BRINP1: variants seen among roughly 807,000 people sequenced by gnomAD.
BRINP1 encodes the protein BMP/retinoic acid inducible neural specific 1.
In BRINP1, 17 loss-of-function variants were observed where a neutral mutation model predicts 72.9. That is an observed-to-expected ratio of 0.23 (90% CI 0.16 to 0.35). BRINP1 has a LOEUF of 0.35. BRINP1 is among the 10% of genes least tolerant of loss of function. The probability of loss-of-function intolerance (pLI) is 1.00; values close to 1 mark genes in which losing one functional copy is unlikely to be tolerated. For synonymous variants in BRINP1, 418 were observed against 378.5 expected (o/e 1.10, Z -1.21); for missense variants, 850 against 1,001.6 (o/e 0.85, Z 2.04).
chr9:119,238,639 T>C lies in BRINP1; in HGVS notation c.685+16A>G, dbSNP rs1830214742. 3 of 1,563,374 alleles carry C rather than the reference T, an allele frequency of 1.9e-6. No individual in the cohort carries two copies. The highest frequency in any genetic ancestry group is 2.6e-6 in the Non-Finnish European group (3 of 1,141,620). On this transcript the variant is annotated intron_variant, in intron 5 of 7. Transcript: ENST00000265922. ...GTTTCCCCCAACTGACCCCACTTTT[T>C]CCACTGGCTTCCTACCTTGAAGGTG...
intron 2 of BRINP1, among the ~76,000 whole-genome samples, chr9:119,287,993 T>TAA (rs975401832): frequency 1.3e-5 from 2 of 150,888 alleles, no homozygotes; most frequent in African/African-American, 4.9e-5. Flanking sequence ...ACTTAAAAGT[T>TAA]AAAAAAAAAG....
intron 7 of BRINP1, among the ~76,000 whole-genome samples, chr9:119,170,071 C>T (rs1292577717): frequency 6.6e-6 from 1 of 152,046 alleles, no homozygotes; most frequent in African/African-American, 2.4e-5. Flanking sequence ...AAAAGCAGAG[C>T]GCCTCTCCTC....
intron 2 of BRINP1, among the ~76,000 whole-genome samples, chr9:119,287,208 T>C (rs971521998): frequency 6.6e-6 from 1 of 152,214 alleles, no homozygotes; most frequent in Admixed American, 6.5e-5. Flanking sequence ...AGCTCTCCTT[T>C]TTTATCATAA....
chr9:119,268,249 TAGA>T (rs1830571652), intron 2 of BRINP1, among the ~76,000 whole-genome samples: 1 of 41,542 alleles, frequency 2.4e-5, no homozygotes, highest in African/African-American at 2.2e-4. Flanking sequence ...TCTCAATAAA[TAGA>T]TAGATAGATA....
chr9:119,314,063 C>T (rs1831099971), intron 1 of BRINP1, among the ~76,000 whole-genome samples: 2 of 152,310 alleles, frequency 1.3e-5, no homozygotes, highest in South Asian at 4.1e-4. Flanking sequence ...AGCTTGCTTA[C>T]AGTTCACTTC....
chr9:119,216,039 T>C (rs1829972499), intron 5 of BRINP1, among the ~76,000 whole-genome samples: 1 of 152,198 alleles, frequency 6.6e-6, no homozygotes, highest in Non-Finnish European at 1.5e-5. Context: ...TCCTGGCACA[T>C]AGCAAGCAAA....
intron 1 of BRINP1, among the ~76,000 whole-genome samples, chr9:119,329,845 C>T (rs981290892): frequency 6.6e-6 from 1 of 152,122 alleles, no homozygotes; most frequent in Non-Finnish European, 1.5e-5. Flanking sequence ...CTTTCTGAGA[C>T]CCATGGTCTC....
At chr9:119,364,937 T>A (rs1186687933) in intron 1 of BRINP1, among the ~76,000 whole-genome samples, 5 of 152,218 alleles carry the variant, frequency 3.3e-5, no homozygotes, top group Non-Finnish European at 7.3e-5. Context: ...AGCTAGAAAG[T>A]GTGAGAGACA....
chr9:119,178,268 TCTC>T (rs1028577462), intron 7 of BRINP1, among the ~76,000 whole-genome samples: 5 of 152,288 alleles, frequency 3.3e-5, no homozygotes, highest in Admixed American at 1.3e-4. Flanking sequence ...AGTTGTCCAT[TCTC>T]CTCCCTTTCT....
At chr9:119,314,001 T>G (rs1279877143) in intron 1 of BRINP1, among the ~76,000 whole-genome samples, 1 of 152,240 alleles carries the variant, frequency 6.6e-6, no homozygotes. Flanking sequence ...AGTCTTGTGA[T>G]GGATTATCAT....
Position 119,359,270 on chromosome 9 carries a change from T to A in BRINP1, c.-51+9786A>T, listed in dbSNP as rs1041053451. The stretch of plus-strand genomic sequence containing the variant: ...TTGCAGTGGCATGATCACAGCTCAC[T>A]GCAACTTTGAACACCTTGGCCCACA... On this transcript the variant is annotated intron_variant, in intron 1 of 7. Coordinates refer to ENST00000265922, the MANE Select transcript of BRINP1 (RefSeq NM_014618.3). Among the ~76,000 whole-genome samples, 7 of 152,236 alleles carry A rather than the reference T, an allele frequency of 4.6e-5. 1 individual carries two copies. Among genetic ancestry groups the A allele is most frequent in the Non-Finnish European group, 1.0e-4 (7 of 68,044 alleles).
chr9:119,191,072 G>A (rs1829678910), intron 7 of BRINP1, among the ~76,000 whole-genome samples: 1 of 151,852 alleles, frequency 6.6e-6, no homozygotes, highest in South Asian at 2.1e-4. Flanking sequence ...AAAAGTACTT[G>A]ACAAAGTTAA....
chr9:119,176,441 C>A (rs537197317), intron 7 of BRINP1, among the ~76,000 whole-genome samples: 3 of 152,316 alleles, frequency 2.0e-5, no homozygotes, highest in Non-Finnish European at 4.4e-5. Context: ...AATCCCCAAA[C>A]CACAAACACC....
At chr9:119,256,857 CT>C (rs1830452244) in intron 2 of BRINP1, among the ~76,000 whole-genome samples, 1 of 152,118 alleles carries the variant, frequency 6.6e-6, no homozygotes, top group South Asian at 2.1e-4. Flanking sequence ...GTGGAGGGTT[CT>C]TTTACTCTTC....
rs370346617 is a variant in BRINP1, at chr9:119,167,966, C to T, written c.1404G>A (p.Ser468=). The change falls in exon 8 of 8, where the codon TCG becomes TCA. Residue 468 remains serine (S), a synonymous_variant. Coordinates refer to ENST00000265922, the MANE Select transcript of BRINP1 (RefSeq NM_014618.3). This position sits in a 1 kb window ranked among gnomAD's most constrained non-coding sequence, Gnocchi z 4.3. ...RGRCEPQNVD[S]ERSEQFISFE... Reference sequence around the variant, plus strand: ...AGCTGATGAACTGCTCGCTCCGCTCCGAGTCCACGTTCTGTGGTTCACAGC... The same window carrying T: ...AGCTGATGAACTGCTCGCTCCGCTCTGAGTCCACGTTCTGTGGTTCACAGC... The T allele has an allele frequency of 3.3e-5, 54 of 1,614,072 alleles. No individual in the cohort carries two copies. Among genetic ancestry groups the T allele is most frequent in the Admixed American group, 2.3e-4 (14 of 60,000 alleles).
At chr9:119,292,235 C>T (rs1588193944) in intron 2 of BRINP1, among the ~76,000 whole-genome samples, 1 of 152,178 alleles carries the variant, frequency 6.6e-6, no homozygotes, top group East Asian at 1.9e-4. Flanking sequence ...TCATAAGATC[C>T]ATTCCATGTT....
chr9:119,222,051 G>T (rs777316761), intron 5 of BRINP1, among the ~76,000 whole-genome samples: 9 of 152,058 alleles, frequency 5.9e-5, no homozygotes, highest in Non-Finnish European at 1.2e-4. Context: ...ACATGTTTTG[G>T]CCAATGAAAT....
chr9:119,171,989 A>G (rs1829416442), intron 7 of BRINP1, among the ~76,000 whole-genome samples: 1 of 131,460 alleles, frequency 7.6e-6, no homozygotes, highest in Admixed American at 7.4e-5. Flanking sequence ...AGCAGTGTGC[A>G]GAGGGAAATT....
intron 7 of BRINP1, among the ~76,000 whole-genome samples, chr9:119,204,857 G>A (rs1829837333): frequency 6.6e-6 from 1 of 152,186 alleles, no homozygotes; most frequent in Non-Finnish European, 1.5e-5. Context: ...TCCATGTGTG[G>A]CTAAGGCCCT....
Sources: gnomAD v4.1 joint callset for allele counts (sites outside exome capture counted in the v4.1 genomes callset) on GRCh38, gnomAD v4.1.1 for gene constraint, Gnocchi (gnomAD v3.1) non-coding constraint, MANE v1.5 for transcripts, NCBI Gene and HGNC (gene_info 2026-07-23, HGNC 2026-07-21) for gene names.